The following KIF6 variants were observed in gnomAD, a reference collection of about 807,000 sequenced individuals.
KIF6 encodes the protein kinesin family member 6, also known as kinesin-like protein KIF6.
In KIF6, 106 loss-of-function variants were observed where a neutral mutation model predicts 112.7. The ratio of observed to expected loss-of-function variants is 0.94; its 90% CI spans 0.80 to 1.11. The LOEUF (loss-of-function observed/expected upper bound fraction) is 1.11, where lower values mean the gene tolerates loss of function less well. KIF6 is among the 50% of genes least tolerant of loss of function. The probability of loss-of-function intolerance (pLI) is 0.00; values close to 1 mark genes in which losing one functional copy is unlikely to be tolerated. For synonymous variants in KIF6, 339 were observed against 339.9 expected (o/e 1.00, Z 0.03); for missense variants, 929 against 964.0 (o/e 0.96, Z 0.48).
chr6:39,430,001 G>T (rs1562208663), intron 14 of KIF6, among the ~76,000 whole-genome samples: 1 of 152,130 alleles, frequency 6.6e-6, no homozygotes, highest in East Asian at 1.9e-4. Flanking sequence ...TCCAGCCAAT[G>T]GCCTTCTAGT....
intron 3 of KIF6, among the ~76,000 whole-genome samples, chr6:39,647,886 A>G (rs565488461): frequency 1.3e-5 from 2 of 151,640 alleles, no homozygotes; most frequent in South Asian, 4.2e-4. Flanking sequence ...TAATTTTGGT[A>G]TTTTTGTAGA....
chr6:39,679,282 A>G (rs1787361155), intron 3 of KIF6, among the ~76,000 whole-genome samples: 1 of 152,194 alleles, frequency 6.6e-6, no homozygotes. Context: ...GTCTCTTTTT[A>G]AAGAGTCCAG....
At chr6:39,654,094 A>G (rs982394158) in intron 3 of KIF6, among the ~76,000 whole-genome samples, 6 of 152,194 alleles carry the variant, frequency 3.9e-5, no homozygotes, top group Non-Finnish European at 8.8e-5. Flanking sequence ...TGACAAGAGG[A>G]AAGAGTCCGA....
At chr6:39,514,115 C>T (rs1478992299) in intron 13 of KIF6, among the ~76,000 whole-genome samples, 5 of 152,094 alleles carry the variant, frequency 3.3e-5, no homozygotes, top group Non-Finnish European at 7.3e-5. Flanking sequence ...TACATAAGAA[C>T]CCCAATTTCA....
At chr6:39,637,345 C>T (rs185969836) in intron 4 of KIF6, among the ~76,000 whole-genome samples, 32 of 152,094 alleles carry the variant, frequency 2.1e-4, no homozygotes. Context: ...GCTACCTTTC[C>T]TTATTACTCC....
intron 3 of KIF6, among the ~76,000 whole-genome samples, chr6:39,660,020 C>T (rs1786040859): frequency 6.6e-6 from 1 of 152,150 alleles, no homozygotes; most frequent in Non-Finnish European, 1.5e-5. Flanking sequence ...TCATTAAAAT[C>T]TCCAATCTGG....
intron 19 of KIF6, among the ~76,000 whole-genome samples, chr6:39,347,541 T>C (rs375365534): frequency 5.4e-4 from 82 of 152,344 alleles, no homozygotes; most frequent in Non-Finnish European, 9.7e-4. Context: ...AGGTCCTTAC[T>C]CTAAGTTGTG....
intron 14 of KIF6, among the ~76,000 whole-genome samples, chr6:39,429,538 C>A (rs577096725): frequency 6.6e-6 from 1 of 152,162 alleles, no homozygotes; most frequent in Non-Finnish European, 1.5e-5. Flanking sequence ...TATTCTGTGG[C>A]CTATAATATT....
At chr6:39,337,288 C>T (rs1166462249) in intron 22 of KIF6, among the ~76,000 whole-genome samples, 2 of 129,488 alleles carry the variant, frequency 1.5e-5, no homozygotes, top group East Asian at 2.2e-4. Context: ...CCCTTCCCCT[C>T]TTCCTTCCTT....
At chr6:39,588,595 A>G (rs992319683) in intron 7 of KIF6, among the ~76,000 whole-genome samples, 11 of 152,048 alleles carry the variant, frequency 7.2e-5, no homozygotes, top group African/African-American at 1.2e-4. Context: ...CTGTGCTACT[A>G]TCATCTTGGC....
chr6:39,438,504 AAAAAAGTCTAAAAGCTT>A (rs1771704997), intron 13 of KIF6, among the ~76,000 whole-genome samples: 1 of 152,184 alleles, frequency 6.6e-6, no homozygotes, highest in African/African-American at 2.4e-5. Flanking sequence ...CATTTTTAAC[AAAAAAGTCTAAAAGCTT>A]AAAAAAAATG....
intron 13 of KIF6, among the ~76,000 whole-genome samples, chr6:39,436,790 C>T (rs1358812464): frequency 1.3e-5 from 2 of 152,176 alleles, no homozygotes; most frequent in African/African-American, 4.8e-5. Context: ...AATTTGAAAT[C>T]TGGTAATGTA....
intron 13 of KIF6, among the ~76,000 whole-genome samples, chr6:39,503,318 A>G (rs1357615896): frequency 6.6e-6 from 1 of 152,228 alleles, no homozygotes; most frequent in East Asian, 1.9e-4. Flanking sequence ...AACGTACCAC[A>G]ATCTCTAGGA....
chr6:39,391,544 A>C (rs964035207), intron 15 of KIF6, among the ~76,000 whole-genome samples: 1 of 152,190 alleles, frequency 6.6e-6, no homozygotes, highest in Admixed American at 6.5e-5. Flanking sequence ...CAGTCACTCC[A>C]AATTGTCTTT....
intron 13 of KIF6, among the ~76,000 whole-genome samples, chr6:39,514,342 A>G (rs1776945949): frequency 6.6e-6 from 1 of 152,204 alleles, no homozygotes; most frequent in Non-Finnish European, 1.5e-5. Context: ...CAAATAAAGA[A>G]CAATCTCTGT....
At chr6:39,624,721 C>T (rs1012258595) in intron 5 of KIF6, among the ~76,000 whole-genome samples, 1 of 152,240 alleles carries the variant, frequency 6.6e-6, no homozygotes. Flanking sequence ...AGTGTTTTTC[C>T]TGTCATTAAT....
intron 13 of KIF6, among the ~76,000 whole-genome samples, chr6:39,498,731 A>G (rs1161273873): frequency 1.3e-5 from 2 of 152,146 alleles, no homozygotes; most frequent in Non-Finnish European, 2.9e-5. Context: ...TATAATAAAT[A>G]TTTTTAAATA....
chr6:39,477,657 T>C (rs62402245), intron 13 of KIF6, among the ~76,000 whole-genome samples: 11,730 of 152,158 alleles, frequency 0.077, 619 homozygotes, highest in Middle Eastern at 0.14. Flanking sequence ...GGTCAAGAGA[T>C]TGAAACAATC....
At chr6:39,579,190 C>T (rs1048098007) in intron 9 of KIF6, among the ~76,000 whole-genome samples, 1 of 152,152 alleles carries the variant, frequency 6.6e-6, no homozygotes, top group Non-Finnish European at 1.5e-5. Context: ...AATTTACATT[C>T]CTATCAACTA....
Sources: allele counts gnomAD v4.1 joint callset (sites outside exome capture counted in the v4.1 genomes callset), GRCh38; gene constraint gnomAD v4.1.1; transcripts MANE v1.5; gene names NCBI Gene and HGNC (gene_info 2026-07-23, HGNC 2026-07-21).